Variants in PCDH9 observed in about 807,000 individuals in gnomAD.
PCDH9 encodes the protein protocadherin-9.
Under a neutral mutation model 70.6 loss-of-function variants are expected in PCDH9, and 24 were observed. The ratio of observed to expected loss-of-function variants is 0.34; its 90% CI spans 0.25 to 0.48. The LOEUF (loss-of-function observed/expected upper bound fraction) is 0.48, where lower values mean the gene tolerates loss of function less well. Ranked by LOEUF, PCDH9 falls within the 20% of genes least tolerant of loss-of-function variation. PCDH9 has a pLI of 0.99. For missense variants in PCDH9, 1,281 were observed against 1,503.6 expected (o/e 0.85, Z 2.45); for synonymous variants, 562 against 558.5 (o/e 1.01, Z -0.09).
Position 67,225,616 on chromosome 13 carries a change from G to A in PCDH9, c.2825C>T (p.Ala942Val). 1 of 1,614,134 alleles carries A rather than the reference G, an allele frequency of 6.2e-7. No homozygotes were observed. The highest frequency in any genetic ancestry group is 8.5e-7 in the Non-Finnish European group (1 of 1,180,000). Residue 942 changes from alanine to valine, a missense_variant, in exon 2 of 5, where the codon GCT becomes GTT. Transcript: ENST00000377865. Reference protein sequence around the residue: ...SPDLAKHYKSASPQPAFHLKP... With the variant: ...SPDLAKHYKSVSPQPAFHLKP... ...GAGATGAAAAGCAGGCTGTGGAGAA[G>A]CAGATTTGTAGTGCTTGGCCAGGTC...
chr13:66,340,358 A>G (rs1157493490), intron 4 of PCDH9, among the ~76,000 whole-genome samples: 1 of 152,152 alleles, frequency 6.6e-6, no homozygotes, highest in Non-Finnish European at 1.5e-5. Context: ...TTGAAGGGAT[A>G]GTTTTCATGG....
At chr13:67,158,839 C>A (rs1382484590) in intron 2 of PCDH9, among the ~76,000 whole-genome samples, 1 of 152,190 alleles carries the variant, frequency 6.6e-6, no homozygotes, top group Non-Finnish European at 1.5e-5. Flanking sequence ...CCACAACTAT[C>A]TAATTTTATG....
At chr13:66,542,804 A>AAT (rs1184838289) in intron 4 of PCDH9, among the ~76,000 whole-genome samples, 2 of 147,402 alleles carry the variant, frequency 1.4e-5, no homozygotes, top group Non-Finnish European at 3.0e-5. Flanking sequence ...TGTATATATA[A>AAT]ATATATATAT....
intron 3 of PCDH9, among the ~76,000 whole-genome samples, chr13:66,733,249 A>C (rs1287156713): frequency 6.6e-6 from 1 of 152,082 alleles, no homozygotes; most frequent in Non-Finnish European, 1.5e-5. Context: ...ATCTCTCAAA[A>C]TGTCCCTTTA....
At chr13:66,394,766 G>T (rs1191930144) in intron 4 of PCDH9, among the ~76,000 whole-genome samples, 6 of 152,148 alleles carry the variant, frequency 3.9e-5, no homozygotes, top group Non-Finnish European at 8.8e-5. Flanking sequence ...GTTAGATGAT[G>T]ATATTTCTTG....
intron 4 of PCDH9, among the ~76,000 whole-genome samples, chr13:66,393,020 T>C (rs1030733989): frequency 6.6e-6 from 1 of 152,096 alleles, no homozygotes; most frequent in African/African-American, 2.4e-5. Flanking sequence ...ATTAAAACAC[T>C]GTCCCATACC....
chr13:67,220,713 G>A (rs1392283316), intron 2 of PCDH9: 1 of 151,876 alleles, frequency 6.6e-6, no homozygotes, highest in Non-Finnish European at 1.5e-5. Flanking sequence ...TAAGAGAATA[G>A]AATATTGTCA....
At chr13:66,526,428 T>C (rs1960218939) in intron 4 of PCDH9, among the ~76,000 whole-genome samples, 2 of 152,082 alleles carry the variant, frequency 1.3e-5, no homozygotes, top group African/African-American at 2.4e-5. Context: ...AGTTCAGAAA[T>C]TTTGCTGAGC....
chr13:66,487,561 G>A (rs189190556), intron 4 of PCDH9, among the ~76,000 whole-genome samples: 1 of 151,896 alleles, frequency 6.6e-6, no homozygotes, highest in African/African-American at 2.4e-5. Flanking sequence ...CTTTGTCAAT[G>A]TCCATATAAT....
At chr13:66,556,854 G>A (rs1961761321) in intron 4 of PCDH9, among the ~76,000 whole-genome samples, 1 of 152,066 alleles carries the variant, frequency 6.6e-6, no homozygotes, top group African/African-American at 2.4e-5. Context: ...AGGGCAACAA[G>A]GAGCTAGATA....
chr13:66,388,208 G>T (rs1956962165), intron 4 of PCDH9, among the ~76,000 whole-genome samples: 1 of 152,182 alleles, frequency 6.6e-6, no homozygotes, highest in African/African-American at 2.4e-5. Flanking sequence ...CAGACTAAAA[G>T]GAATGGAGAA....
At chr13:66,635,353 G>A (rs1430007010) in intron 3 of PCDH9, among the ~76,000 whole-genome samples, 2 of 152,116 alleles carry the variant, frequency 1.3e-5, no homozygotes, top group African/African-American at 2.4e-5. Flanking sequence ...GAAAGAATAG[G>A]ATGAAAGAAG....
At chr13:66,605,028 A>G (rs891124287) in intron 4 of PCDH9, among the ~76,000 whole-genome samples, 1 of 152,108 alleles carries the variant, frequency 6.6e-6, no homozygotes, top group Admixed American at 6.6e-5. Flanking sequence ...GAGAAACTCT[A>G]AAGTATATTT....
chr13:66,777,635 G>T (rs375374749), intron 3 of PCDH9, among the ~76,000 whole-genome samples: 31 of 152,178 alleles, frequency 2.0e-4, no homozygotes, highest in Admixed American at 1.7e-3. Flanking sequence ...GAAACAACAG[G>T]TGCTGGAGAG....
At chr13:66,447,566 T>C (rs1189326381) in intron 4 of PCDH9, among the ~76,000 whole-genome samples, 1 of 152,110 alleles carries the variant, frequency 6.6e-6, no homozygotes, top group Non-Finnish European at 1.5e-5. Context: ...TGCGATTAAA[T>C]CTATCTGTGG....
intron 2 of PCDH9, chr13:66,978,522 C>A (rs550677465): frequency 6.6e-6 from 1 of 151,674 alleles, no homozygotes. Flanking sequence ...TATTATGAGA[C>A]ATTCACATAT....
At chr13:67,132,977 G>T (rs1051955401) in intron 2 of PCDH9, among the ~76,000 whole-genome samples, 1 of 151,970 alleles carries the variant, frequency 6.6e-6, no homozygotes, top group Non-Finnish European at 1.5e-5. Context: ...AGCTTAAAAT[G>T]GCATCTTTTT....
At chr13:66,698,957 C>G (rs2078600350) in intron 3 of PCDH9, among the ~76,000 whole-genome samples, 1 of 140,184 alleles carries the variant, frequency 7.1e-6, no homozygotes, top group Non-Finnish European at 1.5e-5. Flanking sequence ...CTCTGTCGTC[C>G]AGGCTGGAGT....
chr13:67,129,311 G>A (rs527271455), intron 2 of PCDH9, among the ~76,000 whole-genome samples: 10 of 152,238 alleles, frequency 6.6e-5, no homozygotes, highest in African/African-American at 2.4e-4. Flanking sequence ...TATATTCATG[G>A]TAATTATGCC....
Sources: gnomAD v4.1 joint callset for allele counts (sites outside exome capture counted in the v4.1 genomes callset) on GRCh38, gnomAD v4.1.1 for gene constraint, MANE v1.5 for transcripts, NCBI Gene and HGNC (gene_info 2026-07-23, HGNC 2026-07-21) for gene names.